The following SCAF11 variants were observed in gnomAD, a reference collection of about 807,000 sequenced individuals.
The protein encoded by SCAF11 is SR-related CTD associated factor 11.
In SCAF11, 47 loss-of-function variants were observed where a neutral mutation model predicts 140.5. That is an observed-to-expected ratio of 0.33 (90% confidence interval 0.26 to 0.43). The LOEUF is 0.43. Among genes scored for constraint, SCAF11 ranks in the 20% least tolerant of loss-of-function variants. The pLI, the probability that SCAF11 is intolerant of heterozygous loss-of-function variation, is 1.00. For synonymous variants in SCAF11, 557 were observed against 579.4 expected (o/e 0.96, Z 0.55); for missense variants, 1,645 against 1,705.1 (o/e 0.96, Z 0.62).
At chr12:45,955,629 T>A (rs1309855388) in intron 3 of SCAF11, 1 of 153,084 alleles carries the variant, frequency 6.5e-6, no homozygotes, top group South Asian at 2.0e-4. Context: ...TTTTAACTAA[T>A]ACTTACTCTA....
At chr12:45,966,902 T>C (rs988800505) in intron 1 of SCAF11, among the ~76,000 whole-genome samples, 1 of 152,220 alleles carries the variant, frequency 6.6e-6, no homozygotes. Context: ...AATATTAAGG[T>C]TGGAGTTAAC....
chr12:45,991,920 G>C, upstream of SCAF11: 1 of 1,287,510 alleles, frequency 7.8e-7, no homozygotes, highest in South Asian at 1.2e-5. Context: ...GCGCTCACAC[G>C]TTTTCCTGTC....
intron 1 of SCAF11, among the ~76,000 whole-genome samples, chr12:45,970,523 A>C (rs189643992): frequency 6.6e-6 from 1 of 152,376 alleles, no homozygotes; most frequent in East Asian, 1.9e-4. Flanking sequence ...TAAAAGGGAA[A>C]GTAGAAGCAG....
At chr12:45,972,987 G>GATATATAGATATAGAT (rs1183684875) in intron 1 of SCAF11, among the ~76,000 whole-genome samples, 5 of 132,806 alleles carry the variant, frequency 3.8e-5, no homozygotes, top group African/African-American at 9.7e-5. Flanking sequence ...TAGATATATA[G>GATATATAGATATAGAT]ATATAGATAT....
chr12:45,936,483 T>C (rs1248880379), intron 6 of SCAF11, among the ~76,000 whole-genome samples: 2 of 152,112 alleles, frequency 1.3e-5, no homozygotes, highest in Admixed American at 1.3e-4. Context: ...AATGTCTTTG[T>C]TTTCTCTTTT....
At position 45,987,907 on chromosome 12, in the gene SCAF11, C is replaced by T. The variant is rs116355788; in HGVS notation, c.-22+2446G>A. On this transcript the variant is annotated intron_variant, in intron 1 of 14. Coordinates refer to ENST00000369367, the MANE Select transcript of SCAF11 (RefSeq NM_004719.3). ...AAGCAAAATAGTGGTTGTGTTTTTA[C>T]GTTATGTATTGAATTTTTATGTGTC... Among the ~76,000 whole-genome samples the T allele has an allele frequency of 2.6e-3, 401 of 151,842 alleles. 3 individuals carry two copies. Among genetic ancestry groups the T allele is most frequent in the African/African-American group, 7.8e-3 (324 of 41,506 alleles).
At chr12:45,960,589 T>C (rs1268880374) in intron 3 of SCAF11, 3 of 152,070 alleles carry the variant, frequency 2.0e-5, no homozygotes, top group African/African-American at 7.2e-5. Context: ...TTCCCCAAAA[T>C]ACATTTTCAC....
chr12:45,943,425 TGA>T (rs1288650059), intron 6 of SCAF11, among the ~76,000 whole-genome samples: 4 of 152,194 alleles, frequency 2.6e-5, no homozygotes, highest in African/African-American at 9.6e-5. Flanking sequence ...TAAGAAATTT[TGA>T]GAGAGCCCAC....
At chr12:45,941,355 A>G (rs150472869) in intron 6 of SCAF11, among the ~76,000 whole-genome samples, 235 of 152,314 alleles carry the variant, frequency 1.5e-3, no homozygotes, top group African/African-American at 5.5e-3. Flanking sequence ...CACATTGTGA[A>G]AATAATCACC....
chr12:45,990,699 TG>T (rs1416676827), upstream of SCAF11: 3 of 761,136 alleles, frequency 3.9e-6, no homozygotes, highest in Non-Finnish European at 5.3e-6. Context: ...CGCCACATTC[TG>T]CTTACTCGCT....
chr12:45,925,369 A>G (rs918655490), intron 11 of SCAF11, among the ~76,000 whole-genome samples: 3 of 152,162 alleles, frequency 2.0e-5, no homozygotes, highest in East Asian at 3.9e-4. Flanking sequence ...CCTGGCCAAC[A>G]TGGTGAAACC....
At chr12:45,954,587 T>TA (rs1945633597) in intron 3 of SCAF11, 1 of 150,132 alleles carries the variant, frequency 6.7e-6, no homozygotes, top group South Asian at 2.1e-4. Flanking sequence ...TTTTTTTTTT[T>TA]AACACAGGGT....
intron 1 of SCAF11, among the ~76,000 whole-genome samples, chr12:45,971,213 A>G (rs1946065060): frequency 6.6e-6 from 1 of 152,252 alleles, no homozygotes; most frequent in African/African-American, 2.4e-5. Flanking sequence ...GCATGCAGCA[A>G]GGTCACCTAC....
At chr12:45,922,365 G>T in intron 14 of SCAF11, 98 bp downstream of exon 14, 1 of 1,511,906 alleles carries the variant, frequency 6.6e-7, no homozygotes, top group Non-Finnish European at 8.9e-7. Flanking sequence ...ATTAGTAGGA[G>T]CTAGCTTTTA....
Position 45,981,515 on chromosome 12 carries a change from A to G in SCAF11, c.-22+8838T>C, listed in dbSNP as rs1224708792. Among the ~76,000 whole-genome samples the G allele has an allele frequency of 3.8e-4, 58 of 152,258 alleles. 1 individual carries two copies. Among genetic ancestry groups the G allele is most frequent in the Admixed American group, 3.8e-3 (58 of 15,286 alleles). ...CCAAAAACCGAAACATCATTCTCCC[A>G]TTTTCTGAGGAATAAATATAATCCG... On this transcript the variant is annotated intron_variant, in intron 1 of 14. Coordinates refer to ENST00000369367, the MANE Select transcript of SCAF11 (RefSeq NM_004719.3).
intron 12 of SCAF11, 35 bp from the exon 13 acceptor site, chr12:45,923,189 C>T: frequency 6.4e-7 from 1 of 1,563,500 alleles, no homozygotes; most frequent in Non-Finnish European, 8.8e-7. Context: ...TAATGAATTA[C>T]TTGTACTCGA....
intron 1 of SCAF11, among the ~76,000 whole-genome samples, chr12:45,972,374 T>C (rs899864403): frequency 1.3e-5 from 2 of 151,832 alleles, no homozygotes; most frequent in African/African-American, 2.4e-5. Flanking sequence ...TTAAAGCTAG[T>C]AGTTAGAGAC....
chr12:45,965,689 T>C (rs1162937670), intron 1 of SCAF11, among the ~76,000 whole-genome samples: 1 of 152,264 alleles, frequency 6.6e-6, no homozygotes. Context: ...TATGCATTTA[T>C]ATCTACGCAC....
intron 4 of SCAF11, 73 bp from the exon 5 acceptor site, chr12:45,948,610 A>G (rs1002234155): frequency 1.1e-5 from 10 of 909,084 alleles, no homozygotes; most frequent in Middle Eastern, 2.4e-4. Context: ...CTTCCTTGAA[A>G]TGATTAAAAT....
Sources: allele counts gnomAD v4.1 joint callset (sites outside exome capture counted in the v4.1 genomes callset), GRCh38; gene constraint gnomAD v4.1.1; transcripts MANE v1.5; gene names NCBI Gene and HGNC (gene_info 2026-07-23, HGNC 2026-07-21).